The following IGF2BP3 variants were observed in gnomAD, a reference collection of about 807,000 sequenced individuals.
The protein encoded by IGF2BP3 is insulin-like growth factor 2 mRNA-binding protein 3.
Under a neutral mutation model 73.8 loss-of-function variants are expected in IGF2BP3, and 9 were observed. The observed-to-expected ratio is 0.12, with a 90% CI of 0.07 to 0.21. The LOEUF (loss-of-function observed/expected upper bound fraction) is 0.21. Among genes scored for constraint, IGF2BP3 ranks in the 10% least tolerant of loss-of-function variants. The pLI is 1.00. For synonymous variants in IGF2BP3, 258 were observed against 256.7 expected, an observed-to-expected ratio of 1.01 and a Z score of -0.05; for missense variants, 542 against 714.0, an observed-to-expected ratio of 0.76 and a Z score of 2.75.
chr7:23,411,417 A>G (rs1787016177), intron 3 of IGF2BP3, among the ~76,000 whole-genome samples: 1 of 152,162 alleles, frequency 6.6e-6, no homozygotes, highest in Non-Finnish European at 1.5e-5. Flanking sequence ...CCCCGTCTCT[A>G]CTAAAAATAC....
Position 23,469,233 on chromosome 7 carries a change from TACCCGGAGGCCGCAGCCCCGCGCCAGG to T in IGF2BP3, c.175+676_176-692del, listed in dbSNP as rs1562769503. 6.6e-6 allele frequency: 1 copy of T among 152,228 alleles called. No homozygotes were observed. The highest frequency in any genetic ancestry group is 1.5e-5 in the Non-Finnish European group (1 of 68,068). The allele number at this position is 152,228 out of a possible 1,614,324, so 9.4% of individuals were successfully genotyped here. On this transcript the variant is annotated intron_variant, in intron 1 of 14. Transcript: ENST00000258729. The surrounding 1 kb of genome is among the most constrained non-coding windows in gnomAD (Gnocchi z 6.1). ...ACCGTCCCTCGCCCTGGCGGAGCCA[TACCCGGAGGCCGCAGCCCCGCGCCAGG>T]GCCCGGAGAGCGGCGGGCGGCCGGT...
At chr7:23,314,540 G>A (rs1427715738) in intron 12 of IGF2BP3, among the ~76,000 whole-genome samples, 1 of 151,442 alleles carries the variant, frequency 6.6e-6, no homozygotes, top group African/African-American at 2.4e-5. Context: ...CAAACTCCTG[G>A]GCTCAAGAGT....
At chr7:23,333,539 A>G (rs1784493474) in intron 10 of IGF2BP3, among the ~76,000 whole-genome samples, 1 of 152,248 alleles carries the variant, frequency 6.6e-6, no homozygotes, top group East Asian at 1.9e-4. Flanking sequence ...AAGCTTAAGC[A>G]TAAACTTAAG....
At chr7:23,425,214 T>C (rs1185557026) in intron 2 of IGF2BP3, among the ~76,000 whole-genome samples, 1 of 152,238 alleles carries the variant, frequency 6.6e-6, no homozygotes, top group Non-Finnish European at 1.5e-5. Flanking sequence ...TGCTGATATA[T>C]AATCTTAGGT....
chr7:23,325,868 T>G (rs1219403423), intron 10 of IGF2BP3, among the ~76,000 whole-genome samples: 2 of 152,204 alleles, frequency 1.3e-5, no homozygotes, highest in Admixed American at 6.5e-5. Flanking sequence ...GAAAACTGGC[T>G]AGCCATATGT....
intron 10 of IGF2BP3, among the ~76,000 whole-genome samples, chr7:23,326,558 A>T (rs1583887446): frequency 6.6e-6 from 1 of 151,622 alleles, no homozygotes; most frequent in Admixed American, 6.6e-5. Context: ...CCAGCCATCC[A>T]ATCACTGGGT....
intron 10 of IGF2BP3, among the ~76,000 whole-genome samples, chr7:23,327,367 G>A (rs928861656): frequency 4.1e-5 from 6 of 147,292 alleles, no homozygotes; most frequent in South Asian, 2.1e-4. Context: ...TGCAAGCTCC[G>A]CCTCCCGGGT....
At position 23,458,470 on chromosome 7, in the gene IGF2BP3, T is replaced by G. The variant is rs112741891; in HGVS notation, c.236+10012A>C. ...GGTCATACAAAACTTGCTAACAAGC[T>G]GAGACAGACAGACACCGTGGACTCC... On this transcript the variant is annotated intron_variant, in intron 2 of 14. Transcript: ENST00000258729. Among the ~76,000 whole-genome samples, 686 of 152,224 alleles carry G rather than the reference T, an allele frequency of 4.5e-3. 3 individuals carry two copies. Among genetic ancestry groups the G allele is most frequent in the African/African-American group, 0.015 (630 of 41,538 alleles).
chr7:23,447,518 G>T (rs376987343), intron 2 of IGF2BP3, among the ~76,000 whole-genome samples: 4 of 149,914 alleles, frequency 2.7e-5, no homozygotes, highest in Non-Finnish European at 4.4e-5. Flanking sequence ...CCAGCTACTC[G>T]GGAGGCTGAG....
chr7:23,435,437 C>A (rs1362776029), intron 2 of IGF2BP3, among the ~76,000 whole-genome samples: 1 of 148,164 alleles, frequency 6.7e-6, no homozygotes, highest in East Asian at 2.0e-4. Flanking sequence ...CTCTCCAGCA[C>A]AAACATCTAA....
At chr7:23,369,961 G>A (rs924712672) in intron 3 of IGF2BP3, among the ~76,000 whole-genome samples, 9 of 152,132 alleles carry the variant, frequency 5.9e-5, no homozygotes, top group Admixed American at 1.3e-4. Context: ...TAGCATGCTT[G>A]CCTGTAGCCT....
intron 2 of IGF2BP3, among the ~76,000 whole-genome samples, chr7:23,448,978 C>T (rs1173568279): frequency 6.6e-6 from 1 of 152,158 alleles, no homozygotes; most frequent in African/African-American, 2.4e-5. Flanking sequence ...CTCTGGGCTG[C>T]AGTTTCCCAA....
chr7:23,392,416 C>G (rs1197179078), intron 3 of IGF2BP3, among the ~76,000 whole-genome samples: 1 of 141,126 alleles, frequency 7.1e-6, no homozygotes, highest in African/African-American at 2.7e-5. Context: ...AAAAAAAAGA[C>G]AAGGACAGCT....
intron 3 of IGF2BP3, chr7:23,413,674 C>T (rs1176409919): frequency 6.6e-6 from 1 of 152,172 alleles, no homozygotes; most frequent in South Asian, 2.1e-4. Flanking sequence ...TGTACACTTC[C>T]CCTGTGGCAT....
chr7:23,401,108 T>C (rs1562728579), intron 3 of IGF2BP3, among the ~76,000 whole-genome samples: 3 of 152,192 alleles, frequency 2.0e-5, no homozygotes, highest in African/African-American at 7.2e-5. Flanking sequence ...AAAACCCTAA[T>C]TGTTAAACCA....
intron 2 of IGF2BP3, among the ~76,000 whole-genome samples, chr7:23,450,458 G>T (rs1261672997): frequency 6.6e-6 from 1 of 152,112 alleles, no homozygotes; most frequent in African/African-American, 2.4e-5. Flanking sequence ...GACTAAATTT[G>T]AGCTTTTAAG....
chr7:23,447,087 C>T (rs1788084254), intron 2 of IGF2BP3, among the ~76,000 whole-genome samples: 1 of 151,782 alleles, frequency 6.6e-6, no homozygotes, highest in Non-Finnish European at 1.5e-5. Flanking sequence ...ACCTGTAATC[C>T]CAGCTACTTG....
intron 3 of IGF2BP3, among the ~76,000 whole-genome samples, chr7:23,417,696 G>A (rs1357942022): frequency 6.6e-6 from 1 of 152,050 alleles, no homozygotes; most frequent in African/African-American, 2.4e-5. Flanking sequence ...TAAGGGGATT[G>A]AACTAGTAAT....
chr7:23,335,632 T>C (rs546079894), intron 10 of IGF2BP3, among the ~76,000 whole-genome samples: 1 of 152,234 alleles, frequency 6.6e-6, no homozygotes, highest in East Asian at 1.9e-4. Flanking sequence ...CTCTTGCCTC[T>C]TTCATAAGCA....
Sources: allele counts gnomAD v4.1 joint callset (sites outside exome capture counted in the v4.1 genomes callset), GRCh38; gene constraint gnomAD v4.1.1; non-coding constraint Gnocchi (gnomAD v3.1); transcripts MANE v1.5; gene names NCBI Gene and HGNC (gene_info 2026-07-23, HGNC 2026-07-21).